The following VPS53 variants were observed in gnomAD, a reference collection of about 807,000 sequenced individuals.
VPS53 encodes the protein vacuolar protein sorting-associated protein 53 homolog.
VPS53 carries 70 observed loss-of-function variants against 107.0 expected under a neutral mutation model. That is an observed-to-expected ratio of 0.65 (90% CI 0.54 to 0.80). The LOEUF is 0.80. VPS53 is among the 30% of genes least tolerant of loss of function. The pLI is 0.00. For synonymous variants in VPS53, 409 were observed against 393.3 expected, an observed-to-expected ratio of 1.04 and a Z score of -0.47; for missense variants, 917 against 1,049.4, an observed-to-expected ratio of 0.87 and a Z score of 1.74.
chr17:588,198 G>C (rs1489035518), intron 12 of VPS53, among the ~76,000 whole-genome samples: 1 of 152,158 alleles, frequency 6.6e-6, no homozygotes, highest in Non-Finnish European at 1.5e-5. Context: ...TGCGCCTGTA[G>C]TCCCAGCTAC....
At position 519,108 on chromosome 17, in the gene VPS53, C is replaced by T. The variant is rs1908522341; in HGVS notation, c.*20G>A. The T allele has an allele frequency of 1.3e-6, 2 of 1,483,704 alleles. No homozygotes were observed. The highest frequency in any genetic ancestry group is 1.8e-6 in the Non-Finnish European group (2 of 1,112,604). 91.9% of individuals were successfully genotyped at this position (1,483,704 alleles called of 1,614,324 possible). A position where few individuals can be genotyped will look rare whatever the true frequency, so the allele number is the denominator to read the frequency against. Reference sequence around the variant, plus strand: ...GGCGCTGAGGGTCTCCAGCCAGGAGCAAAGGGCCCCTTGCTGCTGCTACAG... The same window carrying T: ...GGCGCTGAGGGTCTCCAGCCAGGAGTAAAGGGCCCCTTGCTGCTGCTACAG... On this transcript the variant is annotated 3_prime_UTR_variant, in exon 22 of 22. Transcript: ENST00000437048. This position sits in a 1 kb window ranked among gnomAD's most constrained non-coding sequence, Gnocchi z 5.0.
intron 11 of VPS53, 90 bp from the exon 12 acceptor site, chr17:601,986 AG>A: frequency 1.0e-6 from 1 of 988,962 alleles, no homozygotes; most frequent in Non-Finnish European, 1.4e-6. Context: ...GTCTCCAACA[AG>A]GAAGTCATGC....
chr17:672,762 G>C (rs1383902920), intron 4 of VPS53, among the ~76,000 whole-genome samples: 5 of 152,180 alleles, frequency 3.3e-5, no homozygotes, highest in Admixed American at 6.5e-5. Context: ...TCTTTAAAGG[G>C]CTTGTAAGGA....
intron 12 of VPS53, among the ~76,000 whole-genome samples, chr17:595,897 C>T (rs1421889104): frequency 5.7e-5 from 7 of 122,558 alleles, no homozygotes; most frequent in African/African-American, 2.5e-4. Context: ...TCTAGTGTCC[C>T]CCTGGAGGAA....
intron 13 of VPS53, among the ~76,000 whole-genome samples, chr17:573,525 TG>T (rs1914352131): frequency 6.6e-6 from 1 of 152,128 alleles, no homozygotes; most frequent in Non-Finnish European, 1.5e-5. Context: ...AAGAGAAATC[TG>T]GCCACACTGA....
At chr17:536,283 G>A (rs948834667) in intron 18 of VPS53, 1 of 152,146 alleles carries the variant, frequency 6.6e-6, no homozygotes, top group African/African-American at 2.4e-5. Context: ...GTGTGTCCAA[G>A]TATGAATAGA....
At chr17:594,105 A>G (rs1401471843) in intron 12 of VPS53, among the ~76,000 whole-genome samples, 1 of 152,186 alleles carries the variant, frequency 6.6e-6, no homozygotes. Flanking sequence ...TGGGAATTGA[A>G]CAATGAGAAC....
intron 12 of VPS53, among the ~76,000 whole-genome samples, chr17:598,296 G>A (rs1968089970): frequency 6.6e-6 from 1 of 151,286 alleles, no homozygotes; most frequent in Admixed American, 6.6e-5. Context: ...GCAGGGGCGT[G>A]ATCTCAGCTC....
chr17:686,112 A>T (rs1972576663), intron 4 of VPS53, among the ~76,000 whole-genome samples: 1 of 152,098 alleles, frequency 6.6e-6, no homozygotes, highest in Non-Finnish European at 1.5e-5. Flanking sequence ...TGAAGCCAGG[A>T]GTTCTAAACC....
At chr17:637,863 C>T (rs567104861) in intron 7 of VPS53, among the ~76,000 whole-genome samples, 56 of 152,194 alleles carry the variant, frequency 3.7e-4, no homozygotes, top group Middle Eastern at 3.4e-3. Flanking sequence ...GGAATAAGTG[C>T]GATGTGGTGC....
At chr17:705,846 G>A (rs1296600511) in intron 2 of VPS53, 1 of 152,476 alleles carries the variant, frequency 6.6e-6, no homozygotes, top group Non-Finnish European at 1.5e-5. Context: ...TGAGGTTGCA[G>A]TGAGCTATGA....
At chr17:698,515 G>C (rs1973068798) in intron 3 of VPS53, among the ~76,000 whole-genome samples, 1 of 151,498 alleles carries the variant, frequency 6.6e-6, no homozygotes, top group South Asian at 2.1e-4. Flanking sequence ...GACCAGCCTA[G>C]CCAACAAGGC....
Position 618,903 on chromosome 17 carries a change from A to T in VPS53, c.1116+4630T>A, listed in dbSNP as rs533853036. 1.5e-3 allele frequency among the ~76,000 whole-genome samples: 208 copies of T among 143,242 alleles called. 5 individuals carry two copies. The highest frequency in any genetic ancestry group is 5.3e-3 in the African/African-American group (202 of 38,170). The allele number at this position is 143,242 out of a possible 152,430, so 94.0% of individuals were successfully genotyped here. On this transcript the variant is annotated intron_variant, in intron 11 of 21. Transcript: ENST00000437048. The stretch of plus-strand genomic sequence containing the variant: ...CTACAGGCGCCCACCACGCCTGCTA[A>T]TATTTTCTGGGTAGCTGGGACTACA...
At chr17:688,645 G>A (rs891282733) in intron 4 of VPS53, among the ~76,000 whole-genome samples, 7 of 151,894 alleles carry the variant, frequency 4.6e-5, no homozygotes, top group African/African-American at 1.7e-4. Context: ...CGCCCGCCCC[G>A]CCTCAACTAC....
intron 13 of VPS53, among the ~76,000 whole-genome samples, chr17:564,579 C>T (rs1200717195): frequency 6.7e-6 from 1 of 148,418 alleles, no homozygotes; most frequent in Non-Finnish European, 1.5e-5. Context: ...GGGGTGGTGG[C>T]GCATGCCTGT....
At chr17:706,429 C>T (rs917752018) in intron 2 of VPS53, among the ~76,000 whole-genome samples, 2 of 150,946 alleles carry the variant, frequency 1.3e-5, no homozygotes, top group African/African-American at 4.9e-5. Flanking sequence ...CTCAGCTACT[C>T]AGGAGGCTGA....
chr17:591,634 G>T (rs954985980), intron 12 of VPS53, among the ~76,000 whole-genome samples: 3 of 152,056 alleles, frequency 2.0e-5, no homozygotes, highest in Non-Finnish European at 4.4e-5. Context: ...ATTTCGTTAT[G>T]TACCCAGTAG....
At chr17:561,098 G>A (rs1258879214) in intron 14 of VPS53, among the ~76,000 whole-genome samples, 1 of 152,138 alleles carries the variant, frequency 6.6e-6, no homozygotes, top group Admixed American at 6.6e-5. Context: ...GCTGGTGGAG[G>A]AGGATATAAG....
intron 13 of VPS53, among the ~76,000 whole-genome samples, chr17:575,793 C>T (rs1352471127): frequency 2.7e-5 from 4 of 149,368 alleles, no homozygotes; most frequent in East Asian, 4.1e-4. Context: ...GAACCTAATG[C>T]GGTCCCAGAA....
Sources: allele counts gnomAD v4.1 joint callset (sites outside exome capture counted in the v4.1 genomes callset), GRCh38; gene constraint gnomAD v4.1.1; non-coding constraint Gnocchi (gnomAD v3.1); transcripts MANE v1.5; gene names NCBI Gene and HGNC (gene_info 2026-07-23, HGNC 2026-07-21).